The following NME7 variants were observed in gnomAD, a reference collection of about 807,000 sequenced individuals.
NME7 encodes the protein nucleoside diphosphate kinase 7.
In NME7, 41 loss-of-function variants were observed where a neutral mutation model predicts 49.1. That is an observed-to-expected ratio of 0.83 (90% CI 0.65 to 1.08). The LOEUF is 1.08. Ranked by LOEUF, NME7 falls within the 50% of genes least tolerant of loss-of-function variation. The pLI is 0.00. For missense variants in NME7, 423 were observed against 463.4 expected, an observed-to-expected ratio of 0.91 and a Z score of 0.80; for synonymous variants, 139 against 150.6, an observed-to-expected ratio of 0.92 and a Z score of 0.56.
intron 6 of NME7, among the ~76,000 whole-genome samples, chr1:169,294,896 A>G (rs1423764211): frequency 6.6e-6 from 1 of 152,160 alleles, no homozygotes; most frequent in Admixed American, 6.5e-5. Flanking sequence ...AATGTTGGAG[A>G]TAGGGCCTAA....
chr1:169,175,261 G>A (rs948798975), intron 10 of NME7, among the ~76,000 whole-genome samples: 1 of 151,988 alleles, frequency 6.6e-6, no homozygotes, highest in African/African-American at 2.4e-5. Flanking sequence ...GGTCTTTAGG[G>A]ACAATAACAC....
Position 169,353,472 on chromosome 1 carries a change from C to A in NME7, c.3+14236G>T, listed in dbSNP as rs76582313. Reference sequence around the variant, plus strand: ...TACAAGAAAACATTGAGGAAAATTCCCAAGGTATTGGTCTGGGCAAAAATT... The same window carrying A: ...TACAAGAAAACATTGAGGAAAATTCACAAGGTATTGGTCTGGGCAAAAATT... On this transcript the variant is annotated intron_variant, in intron 1 of 11. Transcript: ENST00000367811. Among the ~76,000 whole-genome samples, 421 of 151,982 alleles carry A rather than the reference C, an allele frequency of 2.8e-3. 11 individuals are homozygous for A. The highest frequency in any genetic ancestry group is 7.7e-3 in the East Asian group (40 of 5,170).
intron 7 of NME7, among the ~76,000 whole-genome samples, chr1:169,249,268 G>A (rs866415959): frequency 2.6e-5 from 4 of 152,074 alleles, no homozygotes; most frequent in Middle Eastern, 6.8e-3. Flanking sequence ...CTGAGTTCTT[G>A]ATCTGATTCT....
intron 7 of NME7, among the ~76,000 whole-genome samples, chr1:169,273,769 T>G (rs1163010929): frequency 9.7e-5 from 12 of 124,058 alleles, no homozygotes; most frequent in African/African-American, 2.7e-4. Context: ...ATTTCATCCA[T>G]GTCCCTACAA....
chr1:169,141,610 T>C (rs971335307), intron 11 of NME7, among the ~76,000 whole-genome samples: 1 of 152,224 alleles, frequency 6.6e-6, no homozygotes, highest in African/African-American at 2.4e-5. Context: ...CAGTACTCTT[T>C]ACAAGAAAAA....
Position 169,277,141 on chromosome 1 carries a change from G to A in NME7, c.754+10162C>T, listed in dbSNP as rs1448341448. Among the ~76,000 whole-genome samples, 2 of 150,426 alleles carry A rather than the reference G, an allele frequency of 1.3e-5. 1 individual carries two copies. Among genetic ancestry groups the A allele is most frequent in the Admixed American group, 1.3e-4 (2 of 15,022 alleles). On this transcript the variant is annotated intron_variant, in intron 7 of 11. Coordinates refer to ENST00000367811, the MANE Select transcript of NME7 (RefSeq NM_013330.5). ...TCAATTTTGGAATAGGTGTGGGGTG[G>A]TGCTGAAAATATGTATATTCTGTTG...
At chr1:169,289,123 C>G (rs780522885) in intron 6 of NME7, among the ~76,000 whole-genome samples, 5 of 152,162 alleles carry the variant, frequency 3.3e-5, no homozygotes, top group African/African-American at 4.8e-5. Context: ...CTTACTACCT[C>G]CATGTTGCTA....
intron 7 of NME7, among the ~76,000 whole-genome samples, chr1:169,245,914 G>A (rs1277998807): frequency 6.6e-6 from 1 of 152,140 alleles, no homozygotes; most frequent in Admixed American, 6.5e-5. Context: ...AGGTGGAAAA[G>A]CTTTCTGTCT....
At chr1:169,359,403 T>C (rs1030000061) in intron 1 of NME7, among the ~76,000 whole-genome samples, 3 of 151,876 alleles carry the variant, frequency 2.0e-5, no homozygotes, top group Admixed American at 1.3e-4. Context: ...ATATATTAAG[T>C]GGGATAAAAC....
At chr1:169,277,024 C>A (rs1225514616) in intron 7 of NME7, among the ~76,000 whole-genome samples, 1 of 150,304 alleles carries the variant, frequency 6.7e-6, no homozygotes, top group Non-Finnish European at 1.5e-5. Flanking sequence ...ATCCTGAGTT[C>A]TAGTTTGATT....
chr1:169,238,251 A>T (rs1174126685), intron 7 of NME7, among the ~76,000 whole-genome samples: 1 of 151,954 alleles, frequency 6.6e-6, no homozygotes, highest in Non-Finnish European at 1.5e-5. Context: ...CAGAAAAGAA[A>T]AACAAATAAA....
intron 7 of NME7, among the ~76,000 whole-genome samples, chr1:169,265,566 G>C (rs1649293058): frequency 1.5e-5 from 2 of 132,594 alleles, no homozygotes; most frequent in East Asian, 4.0e-4. Context: ...ATCACAACTA[G>C]TAGAACTTGA....
chr1:169,303,196 C>A lies in NME7; in HGVS notation c.390-1G>T. 1.3e-6 allele frequency: 2 copies of A among 1,512,610 alleles called. No homozygotes were observed. The highest frequency in any genetic ancestry group is 9.0e-7 in the Non-Finnish European group (1 of 1,111,848). 93.7% of individuals were successfully genotyped at this position (1,512,610 alleles called of 1,614,324 possible). A position where few individuals can be genotyped will look rare whatever the true frequency, so the allele number is the denominator to read the frequency against. ...TACATGAAAATCCAATGCTTCTTTC[C>A]TATAAAATAATCAAAAAGGCAATAG... On this transcript the variant is annotated splice_acceptor_variant, in intron 4 of 11. Coordinates refer to ENST00000367811, the MANE Select transcript of NME7 (RefSeq NM_013330.5). LOFTEE classifies it high-confidence loss of function.
chr1:169,330,296 G>A (rs983796097), intron 1 of NME7, among the ~76,000 whole-genome samples: 3 of 152,082 alleles, frequency 2.0e-5, no homozygotes, highest in Non-Finnish European at 4.4e-5. Flanking sequence ...AAAAACACAG[G>A]ATATTATAAC....
Position 169,272,179 on chromosome 1 carries a change from T to A in NME7, c.754+15124A>T, listed in dbSNP as rs2101874990. Among the ~76,000 whole-genome samples the A allele has an allele frequency of 1.5e-5, 2 of 132,732 alleles. 1 individual carries two copies. Among genetic ancestry groups the A allele is most frequent in the Admixed American group, 1.5e-4 (2 of 13,474 alleles). The allele number at this position is 132,732 out of a possible 152,430, so 87.1% of individuals were successfully genotyped here. On this transcript the variant is annotated intron_variant, in intron 7 of 11. Transcript: ENST00000367811. ...ATAAATAGCTCTAAAAACCATTAAA[T>A]CCTGTATAAACAGAAAAATAATATA...
chr1:169,133,863 G>T (rs1194816405), intron 11 of NME7, among the ~76,000 whole-genome samples: 3 of 152,162 alleles, frequency 2.0e-5, no homozygotes, highest in Non-Finnish European at 4.4e-5. Flanking sequence ...AAGGGAATGG[G>T]GCTTTAGGTC....
intron 9 of NME7, among the ~76,000 whole-genome samples, chr1:169,232,112 G>A (rs1276730161): frequency 6.6e-6 from 1 of 152,116 alleles, no homozygotes; most frequent in African/African-American, 2.4e-5. Flanking sequence ...ACTTGGTGAG[G>A]AGAAAATAAA....
At chr1:169,342,508 T>TATATATAGTATATATAAGTAC (rs1652752963) in intron 1 of NME7, among the ~76,000 whole-genome samples, 1 of 103,748 alleles carries the variant, frequency 9.6e-6, no homozygotes. Context: ...TACAAGTACA[T>TATATATAGTATATATAAGTAC]ATATATATAG....
intron 1 of NME7, among the ~76,000 whole-genome samples, chr1:169,355,085 A>T (rs183781460): frequency 1.7e-5 from 1 of 59,378 alleles, no homozygotes; most frequent in Non-Finnish European, 2.8e-5. Flanking sequence ...ATAATATATA[A>T]TATACTATAT....
Sources: gnomAD v4.1 joint callset for allele counts (sites outside exome capture counted in the v4.1 genomes callset) on GRCh38, gnomAD v4.1.1 for gene constraint, MANE v1.5 for transcripts, NCBI Gene and HGNC (gene_info 2026-07-23, HGNC 2026-07-21) for gene names.